The following NCOA1 variants were observed in gnomAD, a reference collection of about 807,000 sequenced individuals.
NCOA1 encodes nuclear receptor coactivator 1, also known as Hin-2 protein.
In NCOA1, 35 loss-of-function variants were observed where a neutral mutation model predicts 150.9. The observed-to-expected ratio is 0.23, with a 90% CI of 0.18 to 0.31. The LOEUF (loss-of-function observed/expected upper bound fraction) is 0.31, where lower values mean the gene tolerates loss of function less well. Among genes scored for constraint, NCOA1 ranks in the 10% least tolerant of loss-of-function variants. The pLI, the probability that NCOA1 is intolerant of heterozygous loss-of-function variation, is 1.00. For missense variants in NCOA1, 1,491 were observed against 1,749.3 expected (o/e 0.85, Z 2.63); for synonymous variants, 590 against 630.0 (o/e 0.94, Z 0.95).
chr2:24,696,123 C>G (rs1672890736), intron 10 of NCOA1, among the ~76,000 whole-genome samples: 1 of 152,160 alleles, frequency 6.6e-6, no homozygotes, highest in Admixed American at 6.5e-5. Context: ...ACAAAATTTC[C>G]TTGAGTTTCA....
chr2:24,567,229 G>A (rs772893540), intron 2 of NCOA1, among the ~76,000 whole-genome samples: 9 of 152,208 alleles, frequency 5.9e-5, no homozygotes, highest in South Asian at 2.1e-4. Flanking sequence ...GTTTTAAAAC[G>A]TCCCTGGCAA....
intron 7 of NCOA1, among the ~76,000 whole-genome samples, chr2:24,681,166 C>T (rs56070786): frequency 0.019 from 2,844 of 151,744 alleles, 82 homozygotes; most frequent in African/African-American, 0.066. Context: ...GAGTTTAAGA[C>T]CAACCTGGCC....
intron 10 of NCOA1, among the ~76,000 whole-genome samples, chr2:24,694,304 A>G (rs1172091150): frequency 6.6e-6 from 1 of 152,222 alleles, no homozygotes; most frequent in Admixed American, 6.5e-5. Context: ...TTTTACGACA[A>G]CCAGAGTTAC....
chr2:24,743,246 A>G (rs558278402), intron 19 of NCOA1, among the ~76,000 whole-genome samples: 9 of 152,362 alleles, frequency 5.9e-5, no homozygotes, highest in Admixed American at 1.3e-4. Flanking sequence ...TCAATGAGAA[A>G]GCTGCTGTTT....
intron 4 of NCOA1, among the ~76,000 whole-genome samples, chr2:24,656,300 T>A (rs1402206363): frequency 1.3e-5 from 2 of 152,300 alleles, no homozygotes; most frequent in East Asian, 3.9e-4. Context: ...AAGCCCATGC[T>A]GGTTTTTTGT....
At chr2:24,544,233 A>G (rs1278611032) in intron 1 of NCOA1, among the ~76,000 whole-genome samples, 1 of 152,198 alleles carries the variant, frequency 6.6e-6, no homozygotes, top group Non-Finnish European at 1.5e-5. Flanking sequence ...GGTTGAGTTC[A>G]GTTTGAGATG....
At chr2:24,729,428 T>C in intron 16 of NCOA1, 73 bp from the exon 17 acceptor site, 2 of 1,382,884 alleles carry the variant, frequency 1.4e-6, no homozygotes, top group Non-Finnish European at 1.0e-6. Context: ...GATGGTGCTT[T>C]CTAGAAATAC....
chr2:24,693,935 T>G (rs17046480), intron 10 of NCOA1, among the ~76,000 whole-genome samples: 12,687 of 152,156 alleles, frequency 0.083, 587 homozygotes, highest in East Asian at 0.13. Flanking sequence ...AAGGCCTGTC[T>G]GAGGAGCTGA....
Position 24,536,410 on chromosome 2 carries a change from T to C in NCOA1, c.-395-27885T>C, listed in dbSNP as rs1373203733. Among the ~76,000 whole-genome samples the C allele has an allele frequency of 3.9e-5, 6 of 152,306 alleles. No homozygotes were observed. In the South Asian group the frequency reaches 1.2e-3, roughly 32 times the overall value. ...ATGGGTTAGAACATGCTCCTTTAGC[T>C]CGGAGAAGTTTGTTATTACTGACTT... On this transcript the variant is annotated intron_variant, in intron 1 of 22. Transcript: ENST00000348332.
rs554634984 is a variant in NCOA1, at chr2:24,700,445, G to A, written c.949+2647G>A. On this transcript the variant is annotated intron_variant, in intron 11 of 22. Transcript: ENST00000348332. ...CAACTAGTCTAAAATCCTAACATGC[G>A]TTAAAATTTCTAGTTTTAGTTTAGT... is the stretch of plus-strand genomic sequence containing the variant. 1.2e-4 allele frequency among the ~76,000 whole-genome samples: 18 copies of A among 152,108 alleles called. No individual in the cohort carries two copies. The South Asian group carries it at 2.5e-3, about 21-fold the overall frequency.
intron 7 of NCOA1, among the ~76,000 whole-genome samples, chr2:24,680,213 T>G (rs1672101195): frequency 6.6e-6 from 1 of 152,186 alleles, no homozygotes; most frequent in African/African-American, 2.4e-5. Context: ...ATTTTTAATT[T>G]TTTGAGGAAC....
At chr2:24,659,816 A>C (rs1671099751) in intron 5 of NCOA1, among the ~76,000 whole-genome samples, 1 of 152,110 alleles carries the variant, frequency 6.6e-6, no homozygotes, top group South Asian at 2.1e-4. Context: ...TACACACCAA[A>C]TGTCAGTAGC....
chr2:24,543,795 C>T (rs1665495796), intron 1 of NCOA1, among the ~76,000 whole-genome samples: 1 of 152,106 alleles, frequency 6.6e-6, no homozygotes, highest in Admixed American at 6.5e-5. Flanking sequence ...ATCACACAGC[C>T]CTGAAAGCAA....
chr2:24,716,000 C>T (rs1243442905), intron 14 of NCOA1, among the ~76,000 whole-genome samples: 1 of 151,818 alleles, frequency 6.6e-6, no homozygotes, highest in Non-Finnish European at 1.5e-5. Context: ...AAAAATTAGC[C>T]GGGCGTGGTG....
At chr2:24,552,909 A>G (rs1387359549) in intron 1 of NCOA1, among the ~76,000 whole-genome samples, 1 of 152,202 alleles carries the variant, frequency 6.6e-6, no homozygotes. Context: ...GGGATTTTCT[A>G]TATAGACAGT....
chr2:24,578,700 A>G (rs1667083059), intron 2 of NCOA1, among the ~76,000 whole-genome samples: 1 of 152,158 alleles, frequency 6.6e-6, no homozygotes, highest in African/African-American at 2.4e-5. Flanking sequence ...AACTCATTTG[A>G]GAGGTAGTAT....
Position 24,729,796 on chromosome 2 carries a change from G to A in NCOA1, c.3182G>A (p.Arg1061Gln). 1 of 1,612,864 alleles carries A rather than the reference G, an allele frequency of 6.2e-7. No homozygotes were observed. The highest frequency in any genetic ancestry group is 8.5e-7 in the Non-Finnish European group (1 of 1,179,208). The change falls in exon 17 of 23, where the codon CGA becomes CAA. Residue 1061 changes from arginine to glutamine, a missense_variant. Arg to Gln is a conservative substitution (Grantham distance 43). Coordinates refer to ENST00000348332, the MANE Select transcript of NCOA1 (RefSeq NM_003743.5). ...CAGCTTCGACTTCAACTACAGCAGC[G>A]ATTACAGGGACAACAGCAGGTAAGT... Reference protein sequence around the residue: ...PNQLRLQLQQRLQGQQQLIHQ... With the variant: ...PNQLRLQLQQQLQGQQQLIHQ...
intron 3 of NCOA1, among the ~76,000 whole-genome samples, chr2:24,620,626 A>G (rs1237003634): frequency 6.6e-6 from 1 of 152,174 alleles, no homozygotes; most frequent in Non-Finnish European, 1.5e-5. Flanking sequence ...AAACAAAACT[A>G]TTCAATATTA....
intron 1 of NCOA1, among the ~76,000 whole-genome samples, chr2:24,503,809 A>G (rs761753801): frequency 1.4e-5 from 2 of 147,104 alleles, no homozygotes; most frequent in African/African-American, 2.5e-5. Flanking sequence ...ATCTTGGCTC[A>G]CTGCAACCTC....
Sources: allele counts gnomAD v4.1 joint callset (sites outside exome capture counted in the v4.1 genomes callset), GRCh38; gene constraint gnomAD v4.1.1; transcripts MANE v1.5; gene names NCBI Gene and HGNC (gene_info 2026-07-23, HGNC 2026-07-21).